The following PCCA variants were observed in gnomAD, a reference collection of about 807,000 sequenced individuals.
The protein encoded by PCCA is propionyl-CoA carboxylase alpha chain, mitochondrial.
PCCA carries 74 observed loss-of-function variants against 101.3 expected under a neutral mutation model. The observed-to-expected ratio is 0.73, with a 90% CI of 0.61 to 0.89. PCCA has a LOEUF of 0.89. Ranked by LOEUF, PCCA falls within the 40% of genes least tolerant of loss-of-function variation. PCCA has a pLI of 0.00. For missense variants in PCCA, 891 were observed against 907.0 expected, an observed-to-expected ratio of 0.98 and a Z score of 0.23; for synonymous variants, 294 against 313.6, an observed-to-expected ratio of 0.94 and a Z score of 0.66.
At chr13:100,187,622 C>T (rs564125460) in intron 6 of PCCA, among the ~76,000 whole-genome samples, 2 of 152,180 alleles carry the variant, frequency 1.3e-5, no homozygotes, top group Non-Finnish European at 2.9e-5. Flanking sequence ...GTTATGCCAA[C>T]AATAATTATT....
chr13:100,245,094 G>A (rs529637741), intron 8 of PCCA, among the ~76,000 whole-genome samples: 2 of 152,074 alleles, frequency 1.3e-5, no homozygotes, highest in East Asian at 1.9e-4. Context: ...CTGCCAACTC[G>A]AATGATACTC....
chr13:100,138,387 C>T (rs1288863489), intron 4 of PCCA, among the ~76,000 whole-genome samples: 1 of 152,170 alleles, frequency 6.6e-6, no homozygotes, highest in South Asian at 2.1e-4. Context: ...CAGGTATCTA[C>T]ATTCTCTTCT....
At chr13:100,507,499 G>A (rs867390182) in intron 21 of PCCA, among the ~76,000 whole-genome samples, 3 of 152,140 alleles carry the variant, frequency 2.0e-5, no homozygotes, top group South Asian at 2.1e-4. Flanking sequence ...TAGGAATGGG[G>A]CAGCTTCCTA....
At chr13:100,224,399 A>T (rs1489938299) in intron 7 of PCCA, among the ~76,000 whole-genome samples, 1 of 152,214 alleles carries the variant, frequency 6.6e-6, no homozygotes, top group African/African-American at 2.4e-5. Context: ...CCGCAAGCGC[A>T]GCTAGCAGCC....
intron 6 of PCCA, among the ~76,000 whole-genome samples, chr13:100,203,674 T>G (rs1400880359): frequency 6.6e-6 from 1 of 152,184 alleles, no homozygotes; most frequent in Non-Finnish European, 1.5e-5. Flanking sequence ...GAGTGAGACT[T>G]CGTATCAAGA....
chr13:100,292,961 C>G (rs61969224), intron 12 of PCCA, among the ~76,000 whole-genome samples: 610 of 31,732 alleles, frequency 0.019, 5 homozygotes, highest in African/African-American at 0.057. Flanking sequence ...GTGTGTGTGT[C>G]TGTTTGTGTG....
chr13:100,137,567 C>A (rs549482855), intron 4 of PCCA, among the ~76,000 whole-genome samples: 2 of 152,266 alleles, frequency 1.3e-5, no homozygotes, highest in East Asian at 3.9e-4. Flanking sequence ...TGAATTGACC[C>A]TGTTACTATT....
rs2152925693 is a variant in PCCA at position 100,449,299 on chromosome 13, T to C, written c.1893T>C (p.Gly631=). The C allele has an allele frequency of 6.6e-7, 1 of 1,524,146 alleles. No individual in the cohort carries two copies. The highest frequency in any genetic ancestry group is 1.4e-5 in the African/African-American group (1 of 72,674). 94.4% of individuals were successfully genotyped at this position (1,524,146 alleles called of 1,614,324 possible). ...GAAACATGAGCATTCAGTTTCTTGG[T>C]ACAGTGGTAAGTATGAAATCATTCT... is the stretch of plus-strand genomic sequence containing the variant. The part of the protein sequence containing the change: ...AGGNMSIQFL[G]TVYKVNILTR... Residue 631 remains glycine, a synonymous_variant, in exon 21 of 24, where the codon GGT becomes GGC. Coordinates refer to ENST00000376285, the MANE Select transcript of PCCA (RefSeq NM_000282.4).
chr13:100,451,696 TTCC>T (rs1426845846), intron 21 of PCCA, among the ~76,000 whole-genome samples: 19 of 145,668 alleles, frequency 1.3e-4, no homozygotes, highest in Non-Finnish European at 1.2e-4. Context: ...CTCTCTCCTC[TTCC>T]CCTCCTCTCC....
intron 6 of PCCA, among the ~76,000 whole-genome samples, chr13:100,204,615 T>C (rs2058742560): frequency 6.6e-6 from 1 of 152,258 alleles, no homozygotes; most frequent in Non-Finnish European, 1.5e-5. Flanking sequence ...AATGATTCTT[T>C]CTGTCCTTCA....
intron 21 of PCCA, among the ~76,000 whole-genome samples, chr13:100,489,703 C>T (rs775093807): frequency 3.3e-5 from 5 of 152,102 alleles, no homozygotes; most frequent in Non-Finnish European, 7.4e-5. Context: ...ATGTACCAGA[C>T]AATTAAGATA....
chr13:100,360,369 G>A (rs1009361576), intron 18 of PCCA, among the ~76,000 whole-genome samples: 2 of 152,122 alleles, frequency 1.3e-5, no homozygotes, highest in African/African-American at 2.4e-5. Context: ...GAACAAAGTT[G>A]CAGTACTTGG....
chr13:100,268,307 G>A (rs1024729120), intron 10 of PCCA, among the ~76,000 whole-genome samples: 1 of 152,096 alleles, frequency 6.6e-6, no homozygotes, highest in African/African-American at 2.4e-5. Context: ...ATTTAATAAT[G>A]TTAACATCAA....
At chr13:100,299,609 A>G (rs928205490) in intron 12 of PCCA, among the ~76,000 whole-genome samples, 1 of 152,250 alleles carries the variant, frequency 6.6e-6, no homozygotes, top group African/African-American at 2.4e-5. Flanking sequence ...GGCACTGGTC[A>G]TAGAAAGAGG....
intron 7 of PCCA, among the ~76,000 whole-genome samples, chr13:100,222,639 C>T (rs975253687): frequency 7.9e-5 from 12 of 152,282 alleles, no homozygotes; most frequent in African/African-American, 2.9e-4. Flanking sequence ...TTTTTAGCAA[C>T]AGTTTTTCAT....
At chr13:100,466,853 G>A (rs893317540) in intron 21 of PCCA, among the ~76,000 whole-genome samples, 26 of 147,600 alleles carry the variant, frequency 1.8e-4, no homozygotes, top group African/African-American at 6.3e-4. Context: ...GGGACAGTCC[G>A]TCTCAAAAAA....
At chr13:100,170,039 T>C (rs955688978) in intron 6 of PCCA, among the ~76,000 whole-genome samples, 1 of 152,176 alleles carries the variant, frequency 6.6e-6, no homozygotes, top group Admixed American at 6.5e-5. Flanking sequence ...CACTCAGGCT[T>C]TCTGGAGGTG....
intron 2 of PCCA, among the ~76,000 whole-genome samples, chr13:100,110,232 C>A (rs952217440): frequency 3.3e-5 from 5 of 152,132 alleles, no homozygotes; most frequent in African/African-American, 1.2e-4. Flanking sequence ...ATAACTGACA[C>A]TTTTTTTCTG....
At chr13:100,227,431 G>A (rs1435058244) in intron 7 of PCCA, among the ~76,000 whole-genome samples, 1 of 152,086 alleles carries the variant, frequency 6.6e-6, no homozygotes, top group Non-Finnish European at 1.5e-5. Context: ...GTTAGTTTTT[G>A]TAGCATCATC....
Sources: allele counts gnomAD v4.1 joint callset (sites outside exome capture counted in the v4.1 genomes callset), GRCh38; gene constraint gnomAD v4.1.1; transcripts MANE v1.5; gene names NCBI Gene and HGNC (gene_info 2026-07-23, HGNC 2026-07-21).